The following RBBP4 variants were observed in gnomAD, a reference collection of about 807,000 sequenced individuals.
The protein encoded by RBBP4 is histone-binding protein RBBP4.
Under a neutral mutation model 57.2 loss-of-function variants are expected in RBBP4, and 3 were observed. The observed-to-expected ratio is 0.05, with a 90% confidence interval of 0.02 to 0.14. The LOEUF is 0.14. RBBP4 is among the 10% of genes least tolerant of loss of function. The pLI is 1.00. For missense variants in RBBP4, 107 were observed against 520.6 expected (o/e 0.21, Z 7.73); for synonymous variants, 151 against 171.5 (o/e 0.88, Z 0.93).
intron 11 of RBBP4, among the ~76,000 whole-genome samples, chr1:32,673,759 A>G (rs72709942): frequency 0.031 from 4,670 of 152,208 alleles, 102 homozygotes; most frequent in Non-Finnish European, 0.049. Flanking sequence ...AAGCACTTCA[A>G]TTTAATAAAA....
rs1357128133 is a variant in RBBP4, at chr1:32,681,521, T to G, written c.*1816T>G. 2 of 359,686 alleles carry G rather than the reference T, an allele frequency of 5.6e-6. No individual in the cohort carries two copies. The highest frequency in any genetic ancestry group is 2.1e-5 in the African/African-American group (1 of 47,744). The allele number at this position is 359,686 out of a possible 1,614,324, so 22.3% of individuals were successfully genotyped here. On this transcript the variant is annotated 3_prime_UTR_variant, in exon 12 of 12. Coordinates refer to ENST00000373493, the MANE Select transcript of RBBP4 (RefSeq NM_005610.3). ...ATACATTCTTTAAAATACTCCCAGA[T>G]GTGTCCATACATTCATCCTTCACTC... is the stretch of plus-strand genomic sequence containing the variant.
At chr1:32,659,111 T>C (rs1409135065) in intron 3 of RBBP4, among the ~76,000 whole-genome samples, 1 of 147,638 alleles carries the variant, frequency 6.8e-6, no homozygotes, top group Non-Finnish European at 1.5e-5. Context: ...GTGTGTAATA[T>C]ATATAATTTA....
At chr1:32,655,784 T>C (rs1176641197) in intron 2 of RBBP4, among the ~76,000 whole-genome samples, 4 of 152,208 alleles carry the variant, frequency 2.6e-5, no homozygotes, top group Non-Finnish European at 5.9e-5. Context: ...ATTTTCTCTT[T>C]CTCCATTTTA....
In RBBP4 at chr1:32,684,358, G is replaced by A. The variant is rs779002381; in HGVS notation, c.*4653G>A. On this transcript the variant is annotated 3_prime_UTR_variant, in exon 12 of 12. Coordinates refer to ENST00000373493, the MANE Select transcript of RBBP4 (RefSeq NM_005610.3). ...ACCCCATTTCTTAACTGCCTCTGGC[G>A]TTCTTCCATTTCCTCCAGCTGTTCC... The A allele has an allele frequency of 6.8e-6, 11 of 1,613,924 alleles. No individual in the cohort carries two copies. Among genetic ancestry groups the A allele is most frequent in the South Asian group, 3.3e-5 (3 of 91,076 alleles).
At position 32,651,208 on chromosome 1, in the gene RBBP4, G is replaced by A. The variant is rs1049991403; in HGVS notation, c.-99G>A. The A allele has an allele frequency of 2.1e-6, 3 of 1,463,152 alleles. No homozygotes were observed. Among genetic ancestry groups the A allele is most frequent in the African/African-American group, 3.0e-5 (2 of 67,512 alleles). 90.6% of individuals were successfully genotyped at this position (1,463,152 alleles called of 1,614,324 possible). A position where few individuals can be genotyped will look rare whatever the true frequency, so the allele number is the denominator to read the frequency against. On this transcript the variant is annotated 5_prime_UTR_variant, in exon 1 of 12. Coordinates refer to ENST00000373493, the MANE Select transcript of RBBP4 (RefSeq NM_005610.3). ...AGTCAGCCCTCGCGCTGGGGGCGCA[G>A]GAAACAATAGAGGCCGCGCGCACAG...
chr1:32,685,662 C>T lies in RBBP4; in HGVS notation c.*5957C>T, dbSNP rs1649773725. 1 of 152,230 alleles carries T rather than the reference C, an allele frequency of 6.6e-6. No homozygotes were observed. The highest frequency in any genetic ancestry group is 1.5e-5 in the Non-Finnish European group (1 of 68,078). The allele number at this position is 152,230 out of a possible 1,614,324, so 9.4% of individuals were successfully genotyped here. ...TGCCCAGCCATGCCTAAGAGTGTGT[C>T]ATCTGAAGAGGGAAGCATCTGCATA... On this transcript the variant is annotated 3_prime_UTR_variant, in exon 12 of 12. Transcript: ENST00000373493.
At chr1:32,660,906 C>A (rs1490882472) in intron 3 of RBBP4, among the ~76,000 whole-genome samples, 1 of 152,106 alleles carries the variant, frequency 6.6e-6, no homozygotes, top group African/African-American at 2.4e-5. Context: ...GCCTCCTGGG[C>A]TCAAGCAGTC....
intron 3 of RBBP4, among the ~76,000 whole-genome samples, chr1:32,664,140 G>T (rs1455369936): frequency 6.6e-6 from 1 of 152,056 alleles, no homozygotes; most frequent in Non-Finnish European, 1.5e-5. Flanking sequence ...GTGTTAGCCA[G>T]CATAGTCTTG....
At position 32,682,702 on chromosome 1, in the gene RBBP4, T is replaced by G. The variant is rs1570888506; in HGVS notation, c.*2997T>G. On this transcript the variant is annotated 3_prime_UTR_variant, in exon 12 of 12. Coordinates refer to ENST00000373493, the MANE Select transcript of RBBP4 (RefSeq NM_005610.3). ...AGGAAAATCACTTGAACCCAGGAGGTGGAGGTTGCAGTGAACTGAGACCGT... is the reference window on the plus strand; with the variant it reads ...AGGAAAATCACTTGAACCCAGGAGGGGGAGGTTGCAGTGAACTGAGACCGT... The G allele has an allele frequency of 6.6e-6, 1 of 150,584 alleles. No individual in the cohort carries two copies. The highest frequency in any genetic ancestry group is 2.1e-4 in the South Asian group (1 of 4,736). The allele number at this position is 150,584 out of a possible 1,614,324, so 9.3% of individuals were successfully genotyped here.
chr1:32,657,231 G>C (rs182502357), intron 2 of RBBP4, among the ~76,000 whole-genome samples, 196 bp from the exon 3 acceptor site: 74 of 152,252 alleles, frequency 4.9e-4, no homozygotes, highest in Non-Finnish European at 8.8e-4. Context: ...AGCCAAGATC[G>C]CACCACTCCA....
At chr1:32,661,608 T>C (rs1038173913) in intron 3 of RBBP4, among the ~76,000 whole-genome samples, 6 of 151,958 alleles carry the variant, frequency 3.9e-5, no homozygotes, top group Admixed American at 3.9e-4. Context: ...TTTAGTTATT[T>C]GAGAAATCTC....
intron 2 of RBBP4, among the ~76,000 whole-genome samples, chr1:32,655,166 A>G (rs572555333): frequency 1.3e-5 from 2 of 151,072 alleles, no homozygotes; most frequent in African/African-American, 4.9e-5. Context: ...TTTTTGAAAA[A>G]TTTTTTTGCT....
intron 1 of RBBP4, chr1:32,651,611 TTCCTACCC>T: frequency 1.2e-6 from 1 of 861,334 alleles, no homozygotes; most frequent in Non-Finnish European, 1.7e-6. Flanking sequence ...GGGACACCGC[TTCCTACCC>T]ACAAGGCTCG....
At chr1:32,671,861 C>A (rs1020364734) in intron 8 of RBBP4, among the ~76,000 whole-genome samples, 2 of 151,856 alleles carry the variant, frequency 1.3e-5, no homozygotes, top group Non-Finnish European at 2.9e-5. Flanking sequence ...CCATTGTACT[C>A]CAGCCTGGGT....
chr1:32,678,161 T>TAA (rs1288883528), intron 11 of RBBP4, among the ~76,000 whole-genome samples: 1 of 152,158 alleles, frequency 6.6e-6, no homozygotes, highest in African/African-American at 2.4e-5. Context: ...CTGTACCCAT[T>TAA]AGCCATCATT....
At chr1:32,657,918 T>C (rs751845101) in intron 3 of RBBP4, among the ~76,000 whole-genome samples, 1 of 152,154 alleles carries the variant, frequency 6.6e-6, no homozygotes, top group Non-Finnish European at 1.5e-5. Flanking sequence ...AGTGGCACGA[T>C]CTTCTCTCAC....
intron 2 of RBBP4, among the ~76,000 whole-genome samples, chr1:32,652,837 CA>C (rs1647928999): frequency 6.6e-6 from 1 of 152,220 alleles, no homozygotes; most frequent in Non-Finnish European, 1.5e-5. Flanking sequence ...TGAGCCACTG[CA>C]CCTGGCCTCA....
chr1:32,662,890 A>G (rs1343503083), intron 3 of RBBP4, among the ~76,000 whole-genome samples: 1 of 152,002 alleles, frequency 6.6e-6, no homozygotes, highest in African/African-American at 2.4e-5. Flanking sequence ...AGGCTGATGC[A>G]GTAGAATCGC....
intron 2 of RBBP4, among the ~76,000 whole-genome samples, chr1:32,653,637 GT>G (rs1053666893): frequency 1.4e-3 from 30 of 20,782 alleles, no homozygotes; most frequent in South Asian, 5.0e-3. Context: ...TTGTTTTCTG[GT>G]TTTTTTTTTT....
Sources: allele counts gnomAD v4.1 joint callset (sites outside exome capture counted in the v4.1 genomes callset), GRCh38; gene constraint gnomAD v4.1.1; transcripts MANE v1.5; gene names NCBI Gene and HGNC (gene_info 2026-07-23, HGNC 2026-07-21).